FCAR: variants seen among roughly 807,000 people sequenced by gnomAD.
FCAR encodes the protein Fc alpha receptor.
Under a neutral mutation model 27.1 loss-of-function variants are expected in FCAR, and 21 were observed. The ratio of observed to expected loss-of-function variants is 0.77; its 90% CI spans 0.55 to 1.11. The LOEUF (loss-of-function observed/expected upper bound fraction) is 1.11. FCAR is among the 50% of genes most tolerant of loss of function. The pLI is 0.00. For missense variants in FCAR, 404 were observed against 358.4 expected (o/e 1.13, Z -1.03); for synonymous variants, 134 against 135.8 (o/e 0.99, Z 0.09).
intron 1 of FCAR, among the ~76,000 whole-genome samples, chr19:54,874,946 G>A (rs766191130): frequency 3.9e-5 from 6 of 151,992 alleles, no homozygotes; most frequent in East Asian, 1.9e-4. Flanking sequence ...CAAGGCAGGC[G>A]GATCACAAGG....
At chr19:54,885,623 AT>A (rs1318860315) in intron 3 of FCAR, 98 bp downstream of exon 3, 2 of 893,854 alleles carry the variant, frequency 2.2e-6, no homozygotes, top group Non-Finnish European at 3.3e-6. Context: ...ACAAAAAAAA[AT>A]TGATGATTGC....
At chr19:54,881,922 AATAAATAAATTG>A (rs1350051582) in intron 2 of FCAR, among the ~76,000 whole-genome samples, 8 of 16,636 alleles carry the variant, frequency 4.8e-4, no homozygotes, top group African/African-American at 1.5e-3. Flanking sequence ...TAAATAAATA[AATAAATAAATTG>A]AAGCATGAAT....
At chr19:54,876,899 CA>C (rs1455681360) in intron 2 of FCAR, among the ~76,000 whole-genome samples, 1 of 152,140 alleles carries the variant, frequency 6.6e-6, no homozygotes, top group African/African-American at 2.4e-5. Flanking sequence ...CCAGCCTGGG[CA>C]ACAGAGCGAG....
intron 2 of FCAR, among the ~76,000 whole-genome samples, chr19:54,881,557 T>C (rs1418299320): frequency 6.6e-6 from 1 of 152,018 alleles, no homozygotes; most frequent in Non-Finnish European, 1.5e-5. Context: ...CCTCTCCGTA[T>C]GGCGACTGCG....
At chr19:54,881,734 T>A (rs1293907694) in intron 2 of FCAR, among the ~76,000 whole-genome samples, 2 of 151,646 alleles carry the variant, frequency 1.3e-5, no homozygotes, top group Non-Finnish European at 2.9e-5. Flanking sequence ...GAGCCGGGCG[T>A]GGTGGCGGGC....
At chr19:54,875,865 G>A (rs2066063347) in intron 2 of FCAR, among the ~76,000 whole-genome samples, 2 of 152,106 alleles carry the variant, frequency 1.3e-5, no homozygotes, top group South Asian at 4.1e-4. Context: ...CCTCCTAATG[G>A]GTGTGAGCCC....
intron 2 of FCAR, among the ~76,000 whole-genome samples, chr19:54,878,308 G>T (rs1274509457): frequency 1.3e-5 from 2 of 152,142 alleles, no homozygotes; most frequent in African/African-American, 4.8e-5. Flanking sequence ...TTGTTTTGGG[G>T]GTGGAGAGTT....
Position 54,885,450 on chromosome 19 carries a change from G to T in FCAR, c.286G>T (p.Gly96Trp), listed in dbSNP as rs1349735323. 6.2e-6 allele frequency: 10 copies of T among 1,613,750 alleles called. No individual in the cohort carries two copies. In the Admixed American group the frequency reaches 6.7e-5, roughly 11 times the overall value. Residue 96 changes from glycine (G) to tryptophan (W), a missense_variant, in exon 3 of 5, where the codon GGG becomes TGG. Gly to Trp is a radical substitution (Grantham distance 184, BLOSUM62 -2). Coordinates refer to ENST00000355524, the MANE Select transcript of FCAR (RefSeq NM_002000.4). ...TGACCACATGGACGCAAACAAGGCAGGGCGCTATCAGTGCCAATATAGGAT... is the reference window on the plus strand; with the variant it reads ...TGACCACATGGACGCAAACAAGGCATGGCGCTATCAGTGCCAATATAGGAT... ...VIDHMDANKA[G>W]RYQCQYRIGH...
Position 54,874,304 on chromosome 19 carries a change from G to C in FCAR, c.15G>C (p.Gln5His). MDPK[Q>H]TTLLCLVLCL... is the part of the protein sequence containing the mutation. The stretch of plus-strand genomic sequence containing the variant: ...GTGTCAGCACGATGGACCCCAAACA[G>C]ACCACCCTCCTGTGTCTTGGTGAGT... Residue 5 changes from glutamine (Q) to histidine (H), a missense_variant, in exon 1 of 5, where the codon CAG (glutamine) becomes CAC (histidine). Coordinates refer to ENST00000355524, the MANE Select transcript of FCAR (RefSeq NM_002000.4). The C allele has an allele frequency of 6.2e-7, 1 of 1,614,196 alleles. No individual in the cohort carries two copies. Among genetic ancestry groups the C allele is most frequent in the South Asian group, 1.1e-5 (1 of 91,078 alleles).
chr19:54,874,309 C>T lies in FCAR; in HGVS notation c.20C>T (p.Thr7Ile), dbSNP rs1232569947. 6.2e-7 allele frequency: 1 copy of T among 1,614,052 alleles called. No homozygotes were observed. The highest frequency in any genetic ancestry group is 8.5e-7 in the Non-Finnish European group (1 of 1,180,024). Residue 7 changes from threonine (T) to isoleucine (I), a missense_variant, in exon 1 of 5, where the codon ACC becomes ATC. Transcript: ENST00000355524. MDPKQT[T>I]LLCLVLCLGQ... ...AGCACGATGGACCCCAAACAGACCACCCTCCTGTGTCTTGGTGAGTTTCAG... is the reference window on the plus strand; with the variant it reads ...AGCACGATGGACCCCAAACAGACCATCCTCCTGTGTCTTGGTGAGTTTCAG...
chr19:54,879,097 G>A (rs960724318), intron 2 of FCAR, among the ~76,000 whole-genome samples: 1 of 151,096 alleles, frequency 6.6e-6, no homozygotes, highest in Admixed American at 6.6e-5. Context: ...GGCTAATGTC[G>A]AACTCCTGAC....
chr19:54,885,583 A>C (rs1398962080), intron 3 of FCAR, 58 bp downstream of exon 3: 1 of 1,316,288 alleles, frequency 7.6e-7, no homozygotes, highest in African/African-American at 1.5e-5. Context: ...TTTTTAATAG[A>C]GTATTTTTCA....
intron 2 of FCAR, among the ~76,000 whole-genome samples, chr19:54,884,409 A>G (rs2066588983): frequency 6.6e-6 from 1 of 152,122 alleles, no homozygotes; most frequent in Non-Finnish European, 1.5e-5. Flanking sequence ...AGGCAGGTGG[A>G]TCACTTGAAG....
intron 4 of FCAR, 39 bp downstream of exon 4, chr19:54,888,333 T>C (rs2066876716): frequency 6.2e-7 from 1 of 1,607,464 alleles, no homozygotes; most frequent in South Asian, 1.1e-5. Flanking sequence ...CTGGGTTGGC[T>C]GTCCAGGGCC....
At chr19:54,883,846 A>G (rs1269014686) in intron 2 of FCAR, among the ~76,000 whole-genome samples, 2 of 152,090 alleles carry the variant, frequency 1.3e-5, no homozygotes, top group Non-Finnish European at 2.9e-5. Flanking sequence ...AGTCCCAGCT[A>G]CTCGGGAGGC....
chr19:54,875,259 C>A, intron 1 of FCAR, 71 bp from the exon 2 acceptor site: 2 of 1,323,452 alleles, frequency 1.5e-6, no homozygotes, highest in Non-Finnish European at 2.2e-6. Flanking sequence ...TCTGGTCTGT[C>A]ATTACAGAGG....
intron 2 of FCAR, among the ~76,000 whole-genome samples, chr19:54,876,573 G>A (rs1386610299): frequency 1.3e-5 from 2 of 152,090 alleles, no homozygotes; most frequent in African/African-American, 2.4e-5. Context: ...CTATTGAGAG[G>A]ATTATGTGTG....
At chr19:54,875,187 G>A (rs933095349) in intron 1 of FCAR, 143 bp from the exon 2 acceptor site, 4 of 614,716 alleles carry the variant, frequency 6.5e-6, no homozygotes, top group Non-Finnish European at 1.1e-5. Context: ...AAAAAAAAAT[G>A]CCAGCTCTTC....
intron 3 of FCAR, 74 bp from the exon 4 acceptor site, chr19:54,887,933 A>G: frequency 1.7e-6 from 2 of 1,203,186 alleles, no homozygotes; most frequent in Non-Finnish European, 2.3e-6. Context: ...AATATATAAT[A>G]ATAACAATAA....
Sources: gnomAD v4.1 joint callset for allele counts (sites outside exome capture counted in the v4.1 genomes callset) on GRCh38, gnomAD v4.1.1 for gene constraint, MANE v1.5 for transcripts, NCBI Gene and HGNC (gene_info 2026-07-23, HGNC 2026-07-21) for gene names.